RPA3: variants seen among roughly 807,000 people sequenced by gnomAD.
The protein encoded by RPA3 is replication protein A 14 kDa subunit.
RPA3 carries 24 observed loss-of-function variants against 13.7 expected under a neutral mutation model. The ratio of observed to expected loss-of-function variants is 1.75; its 90% CI spans 1.27 to 2.46. The LOEUF (loss-of-function observed/expected upper bound fraction) is 2.46, where lower values mean the gene tolerates loss of function less well. Ranked by LOEUF, RPA3 falls within the 30% of genes most tolerant of loss-of-function variation. RPA3 has a pLI of 0.00. For missense variants in RPA3, 183 were observed against 151.0 expected, an observed-to-expected ratio of 1.21 and a Z score of -1.11; for synonymous variants, 59 against 51.2, an observed-to-expected ratio of 1.15 and a Z score of -0.65.
rs1780674290 is a variant in RPA3, at chr7:7,708,788, T to C, written c.-1028+6387A>G. On this transcript the variant is annotated intron_variant, in intron 2 of 7. Coordinates refer to ENST00000223129, the MANE Select transcript of RPA3 (RefSeq NM_002947.5). Reference sequence around the variant, plus strand: ...TTTTCAACAGATAGAATGTTAGGACTTTTTTTGCCCATTAATATGTGGTTT... The same window carrying C: ...TTTTCAACAGATAGAATGTTAGGACCTTTTTTGCCCATTAATATGTGGTTT... Among the ~76,000 whole-genome samples the C allele has an allele frequency of 2.0e-5, 3 of 152,214 alleles. No individual in the cohort carries two copies. The South Asian group carries it at 6.2e-4, about 32-fold the overall frequency.
intron 2 of RPA3, among the ~76,000 whole-genome samples, chr7:7,687,951 A>G (rs2115132643): frequency 6.6e-6 from 1 of 152,304 alleles, no homozygotes; most frequent in African/African-American, 2.4e-5. Context: ...GGCAGCACCA[A>G]AGGAAAACTG....
At chr7:7,645,597 A>T (rs1282861312) in intron 4 of RPA3, among the ~76,000 whole-genome samples, 1 of 152,182 alleles carries the variant, frequency 6.6e-6, no homozygotes, top group Non-Finnish European at 1.5e-5. Context: ...ATTTCTGTTT[A>T]TTAGATTAAG....
rs558286398 is a variant in RPA3 at position 7,661,505 on chromosome 7, A to G, written c.-757-20330T>C. 2.6e-5 allele frequency among the ~76,000 whole-genome samples: 4 copies of G among 152,110 alleles called. No homozygotes were observed. In the South Asian group the frequency reaches 8.3e-4, roughly 32 times the overall value. On this transcript the variant is annotated intron_variant, in intron 4 of 7. Transcript: ENST00000223129. ...TCAGTGGGGTTTCTGAGTGGACATC[A>G]TTTTGTTGATGTTGATGCTCCTCCT...
In RPA3 at chr7:7,646,245, T is replaced by C. The variant is rs146915415; in HGVS notation, c.-757-5070A>G. Among the ~76,000 whole-genome samples, 189 of 152,216 alleles carry C rather than the reference T, an allele frequency of 1.2e-3. 1 individual carries two copies. Among genetic ancestry groups the C allele is most frequent in the Middle Eastern group, 0.01 (3 of 294 alleles). On this transcript the variant is annotated intron_variant, in intron 4 of 7. Transcript: ENST00000223129. ...TTACATGGGCTTGAAAGATGGTGAA[T>C]GTGGGCATTTTATTGAGTGATGGAG...
At chr7:7,642,958 AC>A (rs1165494556) in intron 4 of RPA3, among the ~76,000 whole-genome samples, 3 of 151,996 alleles carry the variant, frequency 2.0e-5, no homozygotes, top group Non-Finnish European at 4.4e-5. Flanking sequence ...GTATCTTCTG[AC>A]TTCTTTTGTT....
intron 3 of RPA3, 26 bp from the exon 4 acceptor site, chr7:7,686,024 A>G (rs1372227879): frequency 6.6e-6 from 1 of 152,234 alleles, no homozygotes; most frequent in Admixed American, 6.5e-5. Flanking sequence ...TTTGGGAGCT[A>G]TAGCCAGAGA....
At chr7:7,685,314 CTTT>C (rs34968724) in intron 4 of RPA3, among the ~76,000 whole-genome samples, 1 of 143,740 alleles carries the variant, frequency 7.0e-6, no homozygotes, top group Non-Finnish European at 1.5e-5. Flanking sequence ...ACACATTGAT[CTTT>C]TTTTTTTTTT....
intron 4 of RPA3, 88 bp from the exon 5 acceptor site, chr7:7,641,263 C>G (rs1036456803): frequency 2.6e-5 from 4 of 152,232 alleles, no homozygotes; most frequent in East Asian, 1.9e-4. Flanking sequence ...TCTTTCACCC[C>G]GCTAACCCCT....
At chr7:7,682,150 G>A (rs1369204450) in intron 4 of RPA3, among the ~76,000 whole-genome samples, 1 of 152,158 alleles carries the variant, frequency 6.6e-6, no homozygotes, top group African/African-American at 2.4e-5. Flanking sequence ...ATATGCAGGT[G>A]CTTCTTCAAG....
At chr7:7,704,170 C>T (rs935168372) in intron 2 of RPA3, among the ~76,000 whole-genome samples, 13 of 152,076 alleles carry the variant, frequency 8.5e-5, no homozygotes, top group African/African-American at 3.1e-4. Flanking sequence ...GAAAGGCCAA[C>T]TGTTTTCTGT....
rs547650401 is a variant in RPA3, at chr7:7,644,928, A to G, written c.-757-3753T>C. 3.3e-5 allele frequency among the ~76,000 whole-genome samples: 5 copies of G among 152,142 alleles called. No homozygotes were observed. In the East Asian group the frequency reaches 7.7e-4, roughly 24 times the overall value. On this transcript the variant is annotated intron_variant, in intron 4 of 7. Transcript: ENST00000223129. Reference sequence around the variant, plus strand: ...CAGGAAAAGTAACACCTGAATGTCAACTCTTACTATCCTTGAGCCATTTTG... The same window carrying G: ...CAGGAAAAGTAACACCTGAATGTCAGCTCTTACTATCCTTGAGCCATTTTG...
intron 4 of RPA3, among the ~76,000 whole-genome samples, chr7:7,660,208 T>A (rs1785439536): frequency 6.6e-6 from 1 of 152,224 alleles, no homozygotes; most frequent in Non-Finnish European, 1.5e-5. Flanking sequence ...GCACATGAGA[T>A]GGGTCTCCTG....
At chr7:7,646,380 T>C (rs1450987339) in intron 4 of RPA3, among the ~76,000 whole-genome samples, 2 of 151,804 alleles carry the variant, frequency 1.3e-5, no homozygotes, top group South Asian at 2.1e-4. Context: ...CGATGAGAGA[T>C]AACTGAATCA....
chr7:7,649,734 GTT>G (rs1423504605), intron 4 of RPA3, among the ~76,000 whole-genome samples: 1 of 81,756 alleles, frequency 1.2e-5, no homozygotes, highest in African/African-American at 5.4e-5. Context: ...TGGTCCGAAT[GTT>G]TGTCTCTCTC....
chr7:7,712,028 C>G (rs1371494141), intron 2 of RPA3, among the ~76,000 whole-genome samples: 1 of 152,068 alleles, frequency 6.6e-6, no homozygotes, highest in Non-Finnish European at 1.5e-5. Context: ...CTTCACGTAT[C>G]TTCCAAGCTT....
chr7:7,695,158 T>C (rs961953776), intron 2 of RPA3, among the ~76,000 whole-genome samples: 1 of 152,200 alleles, frequency 6.6e-6, no homozygotes, highest in East Asian at 1.9e-4. Context: ...CACCTTTTCA[T>C]ATACCTGTTT....
At chr7:7,680,899 G>A (rs775080066) in intron 4 of RPA3, among the ~76,000 whole-genome samples, 1 of 151,854 alleles carries the variant, frequency 6.6e-6, no homozygotes, top group South Asian at 2.1e-4. Flanking sequence ...TTTGTATGCC[G>A]TAACCTTACT....
chr7:7,641,258 C>T (rs762865709), intron 4 of RPA3, 83 bp from the exon 5 acceptor site: 2 of 152,272 alleles, frequency 1.3e-5, no homozygotes, highest in Admixed American at 1.3e-4. Context: ...CCGGTTCTTT[C>T]ACCCCGCTAA....
intron 2 of RPA3, among the ~76,000 whole-genome samples, chr7:7,702,318 A>G (rs762996459): frequency 3.4e-4 from 52 of 152,194 alleles, no homozygotes; most frequent in Non-Finnish European, 5.9e-4. Flanking sequence ...TATGCTTCCT[A>G]AACTGACTTT....
Sources: allele counts gnomAD v4.1 joint callset (sites outside exome capture counted in the v4.1 genomes callset), GRCh38; gene constraint gnomAD v4.1.1; transcripts MANE v1.5; gene names NCBI Gene and HGNC (gene_info 2026-07-23, HGNC 2026-07-21).